ERMAP: variants seen among roughly 807,000 people sequenced by gnomAD.
ERMAP encodes erythroblast membrane associated protein (Scianna blood group).
A neutral mutation model predicts 49.5 loss-of-function variants in ERMAP; 34 were observed. The observed-to-expected ratio is 0.69, with a 90% CI of 0.52 to 0.91. ERMAP has a LOEUF of 0.91. ERMAP is among the 40% of genes least tolerant of loss of function. The probability of loss-of-function intolerance (pLI) is 0.00; values close to 1 mark genes in which losing one functional copy is unlikely to be tolerated. For missense variants in ERMAP, 541 were observed against 582.6 expected, an observed-to-expected ratio of 0.93 and a Z score of 0.74; for synonymous variants, 214 against 232.2, an observed-to-expected ratio of 0.92 and a Z score of 0.71.
intron 8 of ERMAP, chr1:42,839,208 G>T (rs905744718): frequency 2.2e-5 from 12 of 536,000 alleles, no homozygotes; most frequent in Non-Finnish European, 3.0e-5. Flanking sequence ...TATCACCCAG[G>T]CATGACATTT....
chr1:42,834,426 G>A (rs767801076), intron 4 of ERMAP, among the ~76,000 whole-genome samples: 88 of 152,252 alleles, frequency 5.8e-4, no homozygotes, highest in African/African-American at 1.3e-3. Flanking sequence ...CTGAAGTCCC[G>A]GGCTTATTTT....
At chr1:42,831,410 T>C (rs1654725921) in intron 4 of ERMAP, among the ~76,000 whole-genome samples, 1 of 152,136 alleles carries the variant, frequency 6.6e-6, no homozygotes, top group African/African-American at 2.4e-5. Flanking sequence ...TGGGTCATCT[T>C]TCTATGCTCC....
intron 8 of ERMAP, chr1:42,839,756 T>A: frequency 1.9e-6 from 1 of 533,976 alleles, no homozygotes; most frequent in Non-Finnish European, 3.3e-6. Flanking sequence ...ACATAATTTA[T>A]GTTGTCATTA....
At chr1:42,835,014 A>C in intron 4 of ERMAP, 24 bp from the exon 5 acceptor site, 1 of 917,490 alleles carries the variant, frequency 1.1e-6, no homozygotes, top group Non-Finnish European at 1.8e-6. Context: ...CCCTGAGGTC[A>C]GTCGTTGGTG....
chr1:42,831,018 G>A lies in ERMAP; in HGVS notation c.336G>A (p.Gln112=). The A allele has an allele frequency of 1.9e-6, 3 of 1,614,252 alleles. No individual in the cohort carries two copies. The highest frequency in any genetic ancestry group is 2.5e-6 in the Non-Finnish European group (3 of 1,180,038). Residue 112 remains glutamine (Q), a synonymous_variant, in exon 4 of 12, where the codon CAG becomes CAA. Coordinates refer to ENST00000372517, the MANE Select transcript of ERMAP (RefSeq NM_001017922.2). ...CCCAAGAGGGAAGTGTCACTCTGCA[G>A]ATCCTTGACGTGCGCCTTGAGGACC... is the stretch of plus-strand genomic sequence containing the variant. ...RDAQEGSVTL[Q]ILDVRLEDQG...
intron 1 of ERMAP, 36 bp from the exon 2 acceptor site, chr1:42,825,587 C>A: frequency 7.9e-7 from 1 of 1,269,298 alleles, no homozygotes; most frequent in Non-Finnish European, 1.0e-6. Flanking sequence ...TCTCATATTT[C>A]ATAAAATATG....
chr1:42,818,219 C>T (rs1570523163), intron 1 of ERMAP, among the ~76,000 whole-genome samples: 2 of 152,228 alleles, frequency 1.3e-5, no homozygotes, highest in African/African-American at 4.8e-5. Flanking sequence ...AAATCGTTAA[C>T]AGCCTTTCTG....
chr1:42,820,113 A>G (rs1478920494), intron 1 of ERMAP, among the ~76,000 whole-genome samples: 1 of 152,022 alleles, frequency 6.6e-6, no homozygotes, highest in Non-Finnish European at 1.5e-5. Flanking sequence ...CAGAAGTTTA[A>G]CGGCATTGAT....
Position 42,819,730 on chromosome 1 carries a change from A to G in ERMAP, c.-122+2477A>G, listed in dbSNP as rs2124273946. ...CCGCTTCAGCCCCTCAGTGGCTGGT[A>G]CTACAGATGTGAACCAGGTCATTTA... On this transcript the variant is annotated intron_variant, in intron 1 of 11. Transcript: ENST00000372517. The surrounding 1 kb of genome is among the most constrained non-coding windows in gnomAD (Gnocchi z 5.1). Among the ~76,000 whole-genome samples the G allele has an allele frequency of 6.6e-6, 1 of 150,520 alleles. No individual in the cohort carries two copies. Among genetic ancestry groups the G allele is most frequent in the East Asian group, 1.9e-4 (1 of 5,152 alleles).
chr1:42,823,436 A>G (rs144299934), intron 1 of ERMAP, among the ~76,000 whole-genome samples: 1,791 of 152,330 alleles, frequency 0.012, 61 homozygotes, highest in South Asian at 0.11. Flanking sequence ...TGAGGGTATC[A>G]AGCAGCAGAT....
chr1:42,832,424 A>G (rs890440595), intron 4 of ERMAP, among the ~76,000 whole-genome samples: 5 of 151,618 alleles, frequency 3.3e-5, no homozygotes, highest in African/African-American at 9.7e-5. Context: ...CTGGAGTGCA[A>G]TGATGCTATC....
intron 11 of ERMAP, among the ~76,000 whole-genome samples, chr1:42,841,606 GAGGC>G (rs1655059403): frequency 6.6e-6 from 1 of 152,198 alleles, no homozygotes; most frequent in Non-Finnish European, 1.5e-5. Flanking sequence ...CTGTAGGAAT[GAGGC>G]ACTATATCAT....
At chr1:42,834,843 C>T in intron 4 of ERMAP, 195 bp from the exon 5 acceptor site, 1 of 519,326 alleles carries the variant, frequency 1.9e-6, no homozygotes, top group South Asian at 2.4e-5. Flanking sequence ...GCGTGAGCCA[C>T]CGTTCCCAGC....
chr1:42,835,588 G>A, intron 5 of ERMAP, 144 bp from the exon 6 acceptor site: 1 of 1,048,536 alleles, frequency 9.5e-7, no homozygotes, highest in South Asian at 1.6e-5. Context: ...ATGGTTTGAA[G>A]ACTCTCTAAT....
Position 42,844,719 on chromosome 1 carries a change from T to TAG in ERMAP, c.*1488_*1489dup, listed in dbSNP as rs1294770862. On this transcript the variant is annotated 3_prime_UTR_variant, in exon 12 of 12. Transcript: ENST00000372517. This position sits in a 1 kb window ranked among gnomAD's most constrained non-coding sequence, Gnocchi z 4.0. The stretch of plus-strand genomic sequence containing the variant: ...AGGAAGAATTCTCTTAGGGCAGAGT[T>TAG]AGCTCTTTTGTTCTATTCAGGCCTT... 1 of 152,266 alleles carries TAG rather than the reference T, an allele frequency of 6.6e-6. No homozygotes were observed. Among genetic ancestry groups the TAG allele is most frequent in the Non-Finnish European group, 1.5e-5 (1 of 68,058 alleles). 9.4% of individuals were successfully genotyped at this position (152,266 alleles called of 1,614,324 possible).
intron 2 of ERMAP, among the ~76,000 whole-genome samples, chr1:42,829,661 A>C (rs1256076779): frequency 2.6e-5 from 4 of 152,178 alleles, no homozygotes; most frequent in African/African-American, 9.7e-5. Context: ...AGTAATAATA[A>C]CAACAACTAC....
At chr1:42,839,882 T>G in intron 8 of ERMAP, 151 bp from the exon 9 acceptor site, 1 of 766,036 alleles carries the variant, frequency 1.3e-6, no homozygotes, top group Non-Finnish European at 2.2e-6. Flanking sequence ...ACAGCTGGGA[T>G]CTACTGCTCT....
rs989025158 is a variant in ERMAP at position 42,844,040 on chromosome 1, G to A, written c.*808G>A. The A allele has an allele frequency of 2.5e-6, 1 of 398,524 alleles. No individual in the cohort carries two copies. The highest frequency in any genetic ancestry group is 2.1e-5 in the African/African-American group (1 of 48,646). 24.7% of individuals were successfully genotyped at this position (398,524 alleles called of 1,614,324 possible). A position where few individuals can be genotyped will look rare whatever the true frequency, so the allele number is the denominator to read the frequency against. ...TCAGTCTGTTGAGTCTGTTGTGACT[G>A]TCTTATGAATCAATCTGTTGTGCCA... On this transcript the variant is annotated 3_prime_UTR_variant, in exon 12 of 12. Transcript: ENST00000372517. The surrounding 1 kb of genome is among the most constrained non-coding windows in gnomAD (Gnocchi z 4.0).
rs1474702608 is a variant in ERMAP at position 42,837,156 on chromosome 1, A to G, written c.584-2A>G. The G allele has an allele frequency of 1.9e-6, 3 of 1,614,072 alleles. No homozygotes were observed. Among genetic ancestry groups the G allele is most frequent in the Admixed American group, 1.7e-5 (1 of 60,020 alleles). On this transcript the variant is annotated splice_acceptor_variant, in intron 6 of 11. Transcript: ENST00000372517. LOFTEE classifies it high-confidence loss of function. ...TCATTATCTTTTCCTTTCTTCCTCT[A>G]GACAATCTTCTTTCAGACCATGCTA...
Sources: gnomAD v4.1 joint callset for allele counts (sites outside exome capture counted in the v4.1 genomes callset) on GRCh38, gnomAD v4.1.1 for gene constraint, Gnocchi (gnomAD v3.1) non-coding constraint, MANE v1.5 for transcripts, NCBI Gene and HGNC (gene_info 2026-07-23, HGNC 2026-07-21) for gene names.